Variants in THAP4 observed in about 807,000 individuals in gnomAD.
THAP4 encodes the protein peroxynitrite isomerase THAP4.
A neutral mutation model predicts 48.1 loss-of-function variants in THAP4; 18 were observed. That is an observed-to-expected ratio of 0.37 (90% CI 0.26 to 0.56). THAP4 has a LOEUF of 0.56. Among genes scored for constraint, THAP4 ranks in the 20% least tolerant of loss-of-function variants. The probability of loss-of-function intolerance (pLI) is 0.78; values close to 1 mark genes in which losing one functional copy is unlikely to be tolerated. For missense variants in THAP4, 656 were observed against 774.9 expected (o/e 0.85, Z 1.82); for synonymous variants, 345 against 324.9 (o/e 1.06, Z -0.66).
chr2:241,601,737 C>T lies in THAP4; in HGVS notation c.1614+159G>A. ...GGGCAATGAATTTAGGGAACATCCA[C>T]CCTGGATGGTCCGAGAAGGGAAAAG... is the stretch of plus-strand genomic sequence containing the variant. On this transcript the variant is annotated intron_variant, in intron 5 of 5. Transcript: ENST00000407315. This position sits in a 1 kb window ranked among gnomAD's most constrained non-coding sequence, Gnocchi z 4.0. 2 of 1,392,228 alleles carry T rather than the reference C, an allele frequency of 1.4e-6. No homozygotes were observed. The highest frequency in any genetic ancestry group is 1.3e-5 in the South Asian group (1 of 75,682). The allele number at this position is 1,392,228 out of a possible 1,614,324, so 86.2% of individuals were successfully genotyped here.
At chr2:241,607,071 C>G (rs922835133) in intron 2 of THAP4, among the ~76,000 whole-genome samples, 1 of 152,096 alleles carries the variant, frequency 6.6e-6, no homozygotes, top group Non-Finnish European at 1.5e-5. Context: ...AGTAAGACCC[C>G]GCTTCCCTGA....
At chr2:241,630,116 A>T (rs537011489) in intron 2 of THAP4, among the ~76,000 whole-genome samples, 4 of 151,942 alleles carry the variant, frequency 2.6e-5, no homozygotes, top group African/African-American at 9.6e-5. Flanking sequence ...CTACAAAAAA[A>T]TTTGCTCCCC....
chr2:241,591,001 A>ACTAGGACACTCAGAGCTGCTCGGCTGACG (rs1553554155), intron 5 of THAP4, among the ~76,000 whole-genome samples: 1 of 69,774 alleles, frequency 1.4e-5, no homozygotes. Context: ...CTCGGCTGAC[A>ACTAGGACACTCAGAGCTGCTCGGCTGACG]ATAATGGGCA....
chr2:241,622,167 C>A (rs541967261), intron 2 of THAP4, among the ~76,000 whole-genome samples: 2 of 152,160 alleles, frequency 1.3e-5, no homozygotes, highest in Non-Finnish European at 2.9e-5. Flanking sequence ...GTCAGGAGTT[C>A]GAGACCAGTC....
At position 241,610,053 on chromosome 2, in the gene THAP4, G is replaced by T. The variant is rs952192468; in HGVS notation, c.1241-3580C>A. ...CTCCACCCCTCACGCCCGAGTCCCC[G>T]GCACGGCCACCACCGGCCCCTGGGT... On this transcript the variant is annotated intron_variant, in intron 2 of 5. Coordinates refer to ENST00000407315, the MANE Select transcript of THAP4 (RefSeq NM_015963.6). This position sits in a 1 kb window ranked among gnomAD's most constrained non-coding sequence, Gnocchi z 4.2. 2.0e-5 allele frequency among the ~76,000 whole-genome samples: 3 copies of T among 152,188 alleles called. No individual in the cohort carries two copies. Among genetic ancestry groups the T allele is most frequent in the Admixed American group, 6.5e-5 (1 of 15,288 alleles).
Position 241,634,091 on chromosome 2 carries a change from A to G in THAP4, c.78-12T>C, listed in dbSNP as rs1050919755. On this transcript the variant is annotated splice_polypyrimidine_tract_variant and intron_variant, in intron 1 of 5. Transcript: ENST00000407315. ...CCTTTAGGGGGAACCTACAGGACAA[A>G]TGACAAAAAGTAATTAGAAATAATT... 6.6e-7 allele frequency: 1 copy of G among 1,516,578 alleles called. No individual in the cohort carries two copies. The highest frequency in any genetic ancestry group is 8.8e-7 in the Non-Finnish European group (1 of 1,131,676). 93.9% of individuals were successfully genotyped at this position (1,516,578 alleles called of 1,614,324 possible).
At chr2:241,637,500 C>G (rs2067698066), upstream of THAP4, 2 of 1,446,046 alleles carry the variant, frequency 1.4e-6, no homozygotes, top group Non-Finnish European at 1.8e-6. Context: ...CGTCCCACGA[C>G]ACGACCCCAT....
In THAP4 at chr2:241,610,357, G is replaced by A. The variant is rs1559226300; in HGVS notation, c.1241-3884C>T. Among the ~76,000 whole-genome samples the A allele has an allele frequency of 6.6e-6, 1 of 152,108 alleles. No individual in the cohort carries two copies. The highest frequency in any genetic ancestry group is 1.5e-5 in the Non-Finnish European group (1 of 68,006). ...CTGCGGGACCGGGAGGGCCGCGCTC[G>A]CCCCCCAGCGCCAGGGTCACGCCAC... On this transcript the variant is annotated intron_variant, in intron 2 of 5. Transcript: ENST00000407315. This position sits in a 1 kb window ranked among gnomAD's most constrained non-coding sequence, Gnocchi z 4.2.
In THAP4 at chr2:241,610,588, C is replaced by T. The variant is rs2067257666; in HGVS notation, c.1241-4115G>A. On this transcript the variant is annotated intron_variant, in intron 2 of 5. Transcript: ENST00000407315. This position sits in a 1 kb window ranked among gnomAD's most constrained non-coding sequence, Gnocchi z 4.2. ...CTCGGCCCGGAGGCCCCGCCCTCCC[C>T]ACTCCTGCTTCCCCAGCCACGGGGT... Among the ~76,000 whole-genome samples, 2 of 152,178 alleles carry T rather than the reference C, an allele frequency of 1.3e-5. No individual in the cohort carries two copies. The highest frequency in any genetic ancestry group is 4.8e-5 in the African/African-American group (2 of 41,456).
Position 241,621,471 on chromosome 2 carries a change from G to C in THAP4, c.1240+11446C>G, listed in dbSNP as rs563171542. ...GGAGTGATGGACAAAAGAACAAAAA[G>C]GAAATTGCTGCAAACCAAAAATGCT... On this transcript the variant is annotated intron_variant, in intron 2 of 5. Coordinates refer to ENST00000407315, the MANE Select transcript of THAP4 (RefSeq NM_015963.6). Among the ~76,000 whole-genome samples the C allele has an allele frequency of 1.8e-4, 27 of 152,250 alleles. No individual in the cohort carries two copies. In the South Asian group the frequency reaches 3.9e-3, roughly 22 times the overall value.
chr2:241,610,149 C>G lies in THAP4; in HGVS notation c.1241-3676G>C, dbSNP rs2067247097. Among the ~76,000 whole-genome samples, 2 of 152,320 alleles carry G rather than the reference C, an allele frequency of 1.3e-5. No homozygotes were observed. The highest frequency in any genetic ancestry group is 4.8e-5 in the African/African-American group (2 of 41,580). ...CAGGGTCCCAGTGGAACAGGGGCAC[C>G]AGGGCCGCGGCGCCGGGCATGGCCT... is the stretch of plus-strand genomic sequence containing the variant. On this transcript the variant is annotated intron_variant, in intron 2 of 5. Transcript: ENST00000407315. This position sits in a 1 kb window ranked among gnomAD's most constrained non-coding sequence, Gnocchi z 4.2.
chr2:241,614,784 G>A (rs1046971750), intron 2 of THAP4, among the ~76,000 whole-genome samples: 22 of 152,160 alleles, frequency 1.4e-4, no homozygotes, highest in African/African-American at 5.1e-4. Context: ...AGCTACTCGG[G>A]AGGCTGAGGC....
rs2067290793 is a variant in THAP4 at position 241,612,612 on chromosome 2, G to A, written c.1241-6139C>T. The stretch of plus-strand genomic sequence containing the variant: ...CCATAAAAATGAAGCACTAATATAA[G>A]CTGCAATTCAAATGGCCCTTGACAA... On this transcript the variant is annotated intron_variant, in intron 2 of 5. Transcript: ENST00000407315. The surrounding 1 kb of genome is among the most constrained non-coding windows in gnomAD (Gnocchi z 4.1). Among the ~76,000 whole-genome samples the A allele has an allele frequency of 1.3e-5, 2 of 152,212 alleles. No individual in the cohort carries two copies. Among genetic ancestry groups the A allele is most frequent in the African/African-American group, 2.4e-5 (1 of 41,466 alleles).
chr2:241,602,670 T>C (rs1045586880), intron 4 of THAP4, among the ~76,000 whole-genome samples: 2 of 152,212 alleles, frequency 1.3e-5, no homozygotes, highest in African/African-American at 4.8e-5. Flanking sequence ...CCAACCTGTT[T>C]TCCAGCAATT....
At chr2:241,620,613 G>A (rs2067417868) in intron 2 of THAP4, among the ~76,000 whole-genome samples, 1 of 143,406 alleles carries the variant, frequency 7.0e-6, no homozygotes, top group African/African-American at 2.6e-5. Context: ...GTGAGTGAGG[G>A]ATGAGTGAGG....
In THAP4 at chr2:241,616,038, G is replaced by A. The variant is rs150656247; in HGVS notation, c.1241-9565C>T. Among the ~76,000 whole-genome samples, 50 of 152,284 alleles carry A rather than the reference G, an allele frequency of 3.3e-4. No homozygotes were observed. In the East Asian group the frequency reaches 7.9e-3, roughly 24 times the overall value. On this transcript the variant is annotated intron_variant, in intron 2 of 5. Coordinates refer to ENST00000407315, the MANE Select transcript of THAP4 (RefSeq NM_015963.6). The surrounding 1 kb of genome is among the most constrained non-coding windows in gnomAD (Gnocchi z 4.6). ...CAGCCCAGAGCCCCTGCCACAAGAC[G>A]CCTGGGAGAACTCAGTCAGGGGGCT...
intron 5 of THAP4, among the ~76,000 whole-genome samples, chr2:241,593,257 AATAAAAT>A (rs1559218010): frequency 1.3e-5 from 2 of 152,116 alleles, no homozygotes; most frequent in Admixed American, 6.6e-5. Context: ...AAAAAGTAAT[AATAAAAT>A]AAAAAGTAAA....
chr2:241,623,183 CT>C (rs1486315377), intron 2 of THAP4, among the ~76,000 whole-genome samples: 1 of 152,108 alleles, frequency 6.6e-6, no homozygotes, highest in Non-Finnish European at 1.5e-5. Context: ...CACCACAGCA[CT>C]CCAGCCTGGT....
chr2:241,618,300 TAAAATA>T (rs1355984427), intron 2 of THAP4, among the ~76,000 whole-genome samples: 1 of 152,190 alleles, frequency 6.6e-6, no homozygotes, highest in Non-Finnish European at 1.5e-5. Flanking sequence ...AGTATTTCTA[TAAAATA>T]TAAAAAGGCC....
Sources: allele counts gnomAD v4.1 joint callset (sites outside exome capture counted in the v4.1 genomes callset), GRCh38; gene constraint gnomAD v4.1.1; non-coding constraint Gnocchi (gnomAD v3.1); transcripts MANE v1.5; gene names NCBI Gene and HGNC (gene_info 2026-07-23, HGNC 2026-07-21).